PRKG1: variants seen among roughly 807,000 people sequenced by gnomAD.
PRKG1 encodes the protein protein kinase cGMP-dependent 1, also known as cGMP-dependent protein kinase 1.
A neutral mutation model predicts 88.1 loss-of-function variants in PRKG1; 35 were observed. The observed-to-expected ratio is 0.40, with a 90% CI of 0.30 to 0.53. The LOEUF is 0.53. PRKG1 is among the 20% of genes least tolerant of loss of function. PRKG1 has a pLI of 0.59. For synonymous variants in PRKG1, 303 were observed against 292.5 expected, an observed-to-expected ratio of 1.04 and a Z score of -0.37; for missense variants, 540 against 839.8, an observed-to-expected ratio of 0.64 and a Z score of 4.41.
chr10:51,572,849 C>A (rs1217591379), intron 3 of PRKG1, among the ~76,000 whole-genome samples: 2 of 151,810 alleles, frequency 1.3e-5, no homozygotes, highest in Non-Finnish European at 2.9e-5. Flanking sequence ...CTCTTTCAAT[C>A]AAAGTTTTAC....
intron 3 of PRKG1, among the ~76,000 whole-genome samples, chr10:51,546,947 T>G (rs1294952545): frequency 2.0e-5 from 3 of 152,126 alleles, no homozygotes; most frequent in African/African-American, 7.2e-5. Flanking sequence ...TGAATTATTA[T>G]TGAATCTTAT....
At chr10:52,015,678 C>T (rs953613117) in intron 5 of PRKG1, among the ~76,000 whole-genome samples, 1 of 152,148 alleles carries the variant, frequency 6.6e-6, no homozygotes, top group African/African-American at 2.4e-5. Flanking sequence ...GCTTTGCTTT[C>T]CTTTTAAACA....
At chr10:51,252,107 A>G (rs1839441540) in intron 2 of PRKG1, among the ~76,000 whole-genome samples, 1 of 151,730 alleles carries the variant, frequency 6.6e-6, no homozygotes. Context: ...GGAAAACTCC[A>G]GCTATGTCAG....
intron 3 of PRKG1, among the ~76,000 whole-genome samples, chr10:51,643,029 A>G (rs1654505044): frequency 6.6e-6 from 1 of 152,216 alleles, no homozygotes; most frequent in African/African-American, 2.4e-5. Context: ...TATTCTGACA[A>G]GAAAGCCCCG....
At chr10:50,998,765 A>G (rs1328567840) in intron 1 of PRKG1, among the ~76,000 whole-genome samples, 1 of 152,060 alleles carries the variant, frequency 6.6e-6, no homozygotes, top group Non-Finnish European at 1.5e-5. Flanking sequence ...AAACAAAATA[A>G]CAACAACAAC....
At chr10:51,531,754 C>T (rs1216212041) in intron 3 of PRKG1, among the ~76,000 whole-genome samples, 1 of 145,318 alleles carries the variant, frequency 6.9e-6, no homozygotes, top group Non-Finnish European at 1.5e-5. Context: ...GAGTGATTCT[C>T]CTGCCTCAGC....
At chr10:51,856,068 A>G (rs1294705513) in intron 4 of PRKG1, among the ~76,000 whole-genome samples, 1 of 151,992 alleles carries the variant, frequency 6.6e-6, no homozygotes, top group Non-Finnish European at 1.5e-5. Flanking sequence ...CATCCCTTCA[A>G]TCTCTGCTCC....
chr10:51,205,065 AG>A (rs1320440716), intron 2 of PRKG1, among the ~76,000 whole-genome samples: 1 of 150,788 alleles, frequency 6.6e-6, no homozygotes, highest in East Asian at 1.9e-4. Flanking sequence ...AATATAGCTC[AG>A]ATATTATCCC....
At position 51,743,737 on chromosome 10, in the gene PRKG1, A is replaced by AATATAT. The variant is rs369411662; in HGVS notation, c.593-60825_593-60820dup. Among the ~76,000 whole-genome samples the AATATAT allele has an allele frequency of 9.8e-3, 396 of 40,338 alleles. 5 individuals carry two copies. Among genetic ancestry groups the AATATAT allele is most frequent in the Non-Finnish European group, 0.013 (218 of 17,302 alleles). The allele number at this position is 40,338 out of a possible 152,430, so 26.5% of individuals were successfully genotyped here. ...ATATATATATATATAATATAAACTA[A>AATATAT]ATATATATATATATATATATATATA... On this transcript the variant is annotated intron_variant, in intron 3 of 17. Transcript: ENST00000373980.
At chr10:52,244,708 AAAT>A (rs992389582) in intron 9 of PRKG1, among the ~76,000 whole-genome samples, 8 of 136,668 alleles carry the variant, frequency 5.9e-5, no homozygotes, top group East Asian at 4.8e-4. Flanking sequence ...AATAATTAAT[AAAT>A]AATACTTTAA....
At chr10:51,741,917 G>A (rs1837444647) in intron 3 of PRKG1, among the ~76,000 whole-genome samples, 1 of 152,178 alleles carries the variant, frequency 6.6e-6, no homozygotes, top group East Asian at 1.9e-4. Flanking sequence ...AAACTCTTAG[G>A]GAGCTGTAAC....
chr10:51,188,350 AC>A (rs1837547781), intron 2 of PRKG1, among the ~76,000 whole-genome samples: 1 of 151,962 alleles, frequency 6.6e-6, no homozygotes, highest in Non-Finnish European at 1.5e-5. Context: ...ACAACTATAT[AC>A]CACAATTATA....
intron 1 of PRKG1, among the ~76,000 whole-genome samples, chr10:51,020,557 A>T (rs986590674): frequency 3.9e-5 from 6 of 152,324 alleles, no homozygotes; most frequent in Non-Finnish European, 8.8e-5. Context: ...ATGCTTTAAA[A>T]ATATGAAAAT....
At chr10:51,201,804 C>A (rs1051210580) in intron 2 of PRKG1, among the ~76,000 whole-genome samples, 2 of 152,096 alleles carry the variant, frequency 1.3e-5, no homozygotes, top group African/African-American at 4.8e-5. Context: ...TTGCTGGCAC[C>A]CTGATATCAG....
intron 3 of PRKG1, among the ~76,000 whole-genome samples, chr10:51,490,146 TC>T (rs1218634075): frequency 1.3e-5 from 2 of 152,104 alleles, no homozygotes; most frequent in African/African-American, 2.4e-5. Flanking sequence ...GAATCAGAAT[TC>T]CCTTTACAGC....
intron 1 of PRKG1, among the ~76,000 whole-genome samples, chr10:51,026,301 T>TA (rs1229846681): frequency 6.6e-6 from 1 of 152,162 alleles, no homozygotes. Context: ...CAGAGGGGAA[T>TA]AAACATCCTG....
chr10:51,474,192 A>G (rs1382027978), intron 3 of PRKG1, among the ~76,000 whole-genome samples: 1 of 151,990 alleles, frequency 6.6e-6, no homozygotes, highest in Non-Finnish European at 1.5e-5. Flanking sequence ...AAGCAGTTAA[A>G]CAATTAGGCC....
chr10:51,486,984 T>G (rs1266509257), intron 3 of PRKG1, among the ~76,000 whole-genome samples: 4 of 152,000 alleles, frequency 2.6e-5, no homozygotes, highest in African/African-American at 9.7e-5. Context: ...CTCTTTCACA[T>G]TTGTTAAAGG....
chr10:51,743,715 TATATATATATAATATAAACTAA>T (rs1174530637), intron 3 of PRKG1, among the ~76,000 whole-genome samples: 1,193 of 97,010 alleles, frequency 0.012, 40 homozygotes, highest in African/African-American at 0.044. Flanking sequence ...AAACTAAATA[TATATATATATAATATAAACTAA>T]ATATATATAT....
Sources: gnomAD v4.1 joint callset for allele counts (sites outside exome capture counted in the v4.1 genomes callset) on GRCh38, gnomAD v4.1.1 for gene constraint, MANE v1.5 for transcripts, NCBI Gene and HGNC (gene_info 2026-07-23, HGNC 2026-07-21) for gene names.